C2orf42: variants seen among roughly 807,000 people sequenced by gnomAD.
The protein encoded by C2orf42 is uncharacterized protein C2orf42.
Under a neutral mutation model 58.9 loss-of-function variants are expected in C2orf42, and 44 were observed. The ratio of observed to expected loss-of-function variants is 0.75; its 90% CI spans 0.59 to 0.96. The LOEUF (loss-of-function observed/expected upper bound fraction) is 0.96. Among genes scored for constraint, C2orf42 ranks in the 40% least tolerant of loss-of-function variants. C2orf42 has a pLI of 0.00. For missense variants in C2orf42, 630 were observed against 699.2 expected (o/e 0.90, Z 1.12); for synonymous variants, 239 against 265.4 (o/e 0.90, Z 0.97).
In C2orf42 at chr2:70,181,676, C is replaced by A. The variant is rs749755696; in HGVS notation, c.310G>T (p.Gly104Trp). 6.2e-7 allele frequency: 1 copy of A among 1,614,150 alleles called. No homozygotes were observed. The highest frequency in any genetic ancestry group is 8.5e-7 in the Non-Finnish European group (1 of 1,180,012). Residue 104 changes from glycine to tryptophan, a missense_variant, in exon 3 of 10, where the codon GGG becomes TGG. Coordinates refer to ENST00000264434, the MANE Select transcript of C2orf42 (RefSeq NM_017880.3). ...VSETTIQTVDGTIITQLSSGR... is the reference protein window; with the variant it reads ...VSETTIQTVDWTIITQLSSGR... ...GAGCTCAGCTGAGTGATGATCGTCC[C>A]ATCCACTGTCTGGATTGTTGTCTCT...
At chr2:70,180,607 C>CAAAAA (rs59381817) in intron 3 of C2orf42, among the ~76,000 whole-genome samples, 22 of 57,040 alleles carry the variant, frequency 3.9e-4, no homozygotes, top group Non-Finnish European at 5.2e-4. Flanking sequence ...GATTCTGTCT[C>CAAAAA]AAAAAAAAAA....
At chr2:70,190,360 G>A (rs973252572) in intron 1 of C2orf42, 49 of 152,236 alleles carry the variant, frequency 3.2e-4, no homozygotes, top group Admixed American at 2.7e-3. Flanking sequence ...ACAGTTAGGG[G>A]AAAAGAACAA....
At chr2:70,167,012 T>C (rs1016573847) in intron 6 of C2orf42, among the ~76,000 whole-genome samples, 2 of 152,182 alleles carry the variant, frequency 1.3e-5, no homozygotes, top group African/African-American at 4.8e-5. Context: ...TCTTTCTCTC[T>C]GAATATGACC....
intron 1 of C2orf42, among the ~76,000 whole-genome samples, chr2:70,184,716 A>C (rs980431900): frequency 2.0e-4 from 31 of 151,988 alleles, no homozygotes; most frequent in Non-Finnish European, 4.1e-4. Context: ...CCTGGGCTCA[A>C]GCAATCCTCC....
chr2:70,174,670 C>T (rs1316022526), intron 5 of C2orf42, among the ~76,000 whole-genome samples: 1 of 151,872 alleles, frequency 6.6e-6, no homozygotes, highest in Non-Finnish European at 1.5e-5. Flanking sequence ...CTCCCAACCC[C>T]CTCTTTCTTT....
intron 9 of C2orf42, among the ~76,000 whole-genome samples, chr2:70,153,953 T>C (rs1233451524): frequency 6.6e-6 from 1 of 151,120 alleles, no homozygotes; most frequent in East Asian, 2.0e-4. Context: ...CTCGGGAGGC[T>C]GAGGCAGGAG....
intron 1 of C2orf42, among the ~76,000 whole-genome samples, chr2:70,185,796 CAT>C (rs142755089): frequency 3.2e-4 from 48 of 149,698 alleles, no homozygotes; most frequent in Non-Finnish European, 3.0e-4. Flanking sequence ...TACACACACA[CAT>C]ATATATATAT....
chr2:70,152,216 G>A (rs1672356147), intron 9 of C2orf42, among the ~76,000 whole-genome samples: 1 of 152,144 alleles, frequency 6.6e-6, no homozygotes, highest in Non-Finnish European at 1.5e-5. Context: ...GAGAAACAAA[G>A]CATCCATCCA....
chr2:70,170,390 G>A (rs1393906687), intron 5 of C2orf42, among the ~76,000 whole-genome samples: 2 of 151,880 alleles, frequency 1.3e-5, no homozygotes, highest in Non-Finnish European at 2.9e-5. Flanking sequence ...GGGACTACAG[G>A]TGCGTCACCA....
Position 70,150,566 on chromosome 2 carries a change from T to C in C2orf42, c.1517-2A>G. The stretch of plus-strand genomic sequence containing the variant: ...CCTTTTGATCTGGGGAAGTGTTGCC[T>C]AAAGAGAAGAAAGGAGTATTAGTAC... On this transcript the variant is annotated splice_acceptor_variant, in intron 9 of 9. Transcript: ENST00000264434. LOFTEE classifies it high-confidence loss of function. 2 of 1,609,842 alleles carry C rather than the reference T, an allele frequency of 1.2e-6. No individual in the cohort carries two copies. Among genetic ancestry groups the C allele is most frequent in the Non-Finnish European group, 1.7e-6 (2 of 1,176,136 alleles).
At chr2:70,167,068 G>A (rs1288263153) in intron 6 of C2orf42, among the ~76,000 whole-genome samples, 2 of 152,004 alleles carry the variant, frequency 1.3e-5, no homozygotes, top group Non-Finnish European at 2.9e-5. Flanking sequence ...ACCTCTTAAA[G>A]AACCTTGCGG....
In C2orf42 at chr2:70,169,662, C is replaced by G; in HGVS notation, c.1040-1G>C. 6.5e-7 allele frequency: 1 copy of G among 1,537,394 alleles called. No individual in the cohort carries two copies. On this transcript the variant is annotated splice_acceptor_variant, in intron 5 of 9. Transcript: ENST00000264434. LOFTEE classifies it high-confidence loss of function. ...GCCTCATCTAACAGCTGACCACAGG[C>G]TAGGGAAAAAAAAACCACACATACA...
At chr2:70,187,090 A>G (rs1219170280) in intron 1 of C2orf42, among the ~76,000 whole-genome samples, 1 of 152,020 alleles carries the variant, frequency 6.6e-6, no homozygotes, top group Admixed American at 6.6e-5. Context: ...GTACCCTAAA[A>G]CTTAAAGTAT....
At chr2:70,165,786 T>C in intron 6 of C2orf42, 151 bp from the exon 7 acceptor site, 1 of 591,558 alleles carries the variant, frequency 1.7e-6, no homozygotes, top group Non-Finnish European at 3.0e-6. Flanking sequence ...AAGGCTTTGA[T>C]TGACCTTTCT....
intron 6 of C2orf42, among the ~76,000 whole-genome samples, chr2:70,166,963 G>A (rs17005386): frequency 6.6e-6 from 1 of 152,004 alleles, no homozygotes; most frequent in Non-Finnish European, 1.5e-5. Context: ...AATGCTGAGG[G>A]ACTACAAGTT....
At chr2:70,189,860 T>A (rs1675222058) in intron 1 of C2orf42, among the ~76,000 whole-genome samples, 1 of 150,480 alleles carries the variant, frequency 6.6e-6, no homozygotes, top group African/African-American at 2.5e-5. Flanking sequence ...ACCCTGTCTC[T>A]TAAAAAAAAA....
At position 70,181,807 on chromosome 2, in the gene C2orf42, C is replaced by A; in HGVS notation, c.179G>T (p.Ser60Ile). The A allele has an allele frequency of 6.2e-7, 1 of 1,614,148 alleles. No individual in the cohort carries two copies. Among genetic ancestry groups the A allele is most frequent in the Non-Finnish European group, 8.5e-7 (1 of 1,180,020 alleles). Residue 60 changes from serine (S) to isoleucine (I), a missense_variant, in exon 3 of 10, where the codon AGT becomes ATT. Physicochemically the swap from Ser to Ile is moderately radical, Grantham distance 142 (BLOSUM62 -2). Transcript: ENST00000264434. ...TGTAATGATTTTGACAGCTTCAACA[C>A]TAGGCTGCTTGCGTGCACCGTAGCG... is the stretch of plus-strand genomic sequence containing the variant. ...IFRYGARKQP[S>I]VEAVKIITGS... is the part of the protein sequence containing the mutation.
chr2:70,154,414 TAAAAAAAAAAAAAA>T (rs36028499), intron 9 of C2orf42, among the ~76,000 whole-genome samples: 19 of 25,604 alleles, frequency 7.4e-4, no homozygotes, highest in South Asian at 1.8e-3. Context: ...AAATTTTTAC[TAAAAAAAAAAAAAA>T]AAAAAAAAAA....
chr2:70,181,000 CAAAAAAAAAA>C (rs58297085), intron 3 of C2orf42, among the ~76,000 whole-genome samples, 153 bp downstream of exon 3: 2 of 60,404 alleles, frequency 3.3e-5, no homozygotes, highest in African/African-American at 7.2e-5. Context: ...GACCTTGTCT[CAAAAAAAAAA>C]AAAAAAAAAA....
Sources: allele counts gnomAD v4.1 joint callset (sites outside exome capture counted in the v4.1 genomes callset), GRCh38; gene constraint gnomAD v4.1.1; transcripts MANE v1.5; gene names NCBI Gene and HGNC (gene_info 2026-07-23, HGNC 2026-07-21).